EYS: variants seen among roughly 807,000 people sequenced by gnomAD.
EYS encodes EGF-like photoreceptor maintenance factor, also known as protein eyes shut homolog.
Under a neutral mutation model 282.1 loss-of-function variants are expected in EYS, and 250 were observed. The observed-to-expected ratio is 0.89, with a 90% CI of 0.80 to 0.98. The LOEUF (loss-of-function observed/expected upper bound fraction) is 0.98, where lower values mean the gene tolerates loss of function less well. Among genes scored for constraint, EYS ranks in the 50% least tolerant of loss-of-function variants. The probability of loss-of-function intolerance (pLI) is 0.00; values close to 1 mark genes in which losing one functional copy is unlikely to be tolerated. For missense variants in EYS, 4,016 were observed against 3,709.0 expected, an observed-to-expected ratio of 1.08 and a Z score of -2.15; for synonymous variants, 1,355 against 1,282.9, an observed-to-expected ratio of 1.06 and a Z score of -1.20.
intron 35 of EYS, among the ~76,000 whole-genome samples, chr6:63,891,324 G>A (rs1053200012): frequency 6.6e-6 from 1 of 152,098 alleles, no homozygotes. Context: ...GAACATCGAT[G>A]CAAAAATCCT....
intron 12 of EYS, among the ~76,000 whole-genome samples, chr6:65,197,954 A>T (rs1461385409): frequency 1.3e-5 from 2 of 152,076 alleles, no homozygotes; most frequent in African/African-American, 2.4e-5. Context: ...AATTCATCTT[A>T]GCTAACAGCA....
At chr6:64,297,484 T>G (rs2150370374) in intron 30 of EYS, among the ~76,000 whole-genome samples, 1 of 152,288 alleles carries the variant, frequency 6.6e-6, no homozygotes, top group African/African-American at 2.4e-5. Flanking sequence ...AAAACCAGAC[T>G]TTTGAAAACT....
chr6:63,776,390 T>C lies in EYS; in HGVS notation c.7898+1616A>G, dbSNP rs966209573. On this transcript the variant is annotated intron_variant, in intron 40 of 42. Coordinates refer to ENST00000503581, the MANE Select transcript of EYS (RefSeq NM_001142800.2). ...GAATCTTGACCCTCGAAATGGAAGATCTGATTTTGGGTCCTGCTGTACTAC... is the reference window on the plus strand; with the variant it reads ...GAATCTTGACCCTCGAAATGGAAGACCTGATTTTGGGTCCTGCTGTACTAC... 4.6e-5 allele frequency among the ~76,000 whole-genome samples: 7 copies of C among 152,266 alleles called. No homozygotes were observed. The East Asian group carries it at 1.3e-3, about 29-fold the overall frequency.
intron 22 of EYS, among the ~76,000 whole-genome samples, chr6:64,663,355 A>G (rs926488040): frequency 7.7e-6 from 1 of 129,286 alleles, no homozygotes; most frequent in East Asian, 2.2e-4. Flanking sequence ...ATTTGGTAAC[A>G]CCATTAATTG....
At chr6:64,703,533 A>G (rs927975680) in intron 22 of EYS, among the ~76,000 whole-genome samples, 1 of 146,796 alleles carries the variant, frequency 6.8e-6, no homozygotes, top group Non-Finnish European at 1.5e-5. Flanking sequence ...CCCGGGTTCA[A>G]GTGATTCTTC....
intron 1 of EYS, among the ~76,000 whole-genome samples, chr6:65,685,343 G>T (rs1266999688): frequency 6.6e-6 from 1 of 151,990 alleles, no homozygotes; most frequent in East Asian, 1.9e-4. Context: ...CAAGAATCAA[G>T]TCTGTGCTGG....
intron 13 of EYS, among the ~76,000 whole-genome samples, chr6:65,035,916 G>T: frequency 6.9e-6 from 1 of 144,048 alleles, no homozygotes. Context: ...ATATTATAGT[G>T]TTATATATTA....
intron 31 of EYS, among the ~76,000 whole-genome samples, chr6:64,105,776 T>C (rs1281548077): frequency 6.6e-6 from 1 of 152,156 alleles, no homozygotes; most frequent in Non-Finnish European, 1.5e-5. Flanking sequence ...CATTTCTCTT[T>C]AGCACTGAAT....
At chr6:63,812,182 C>T (rs1181130076) in intron 36 of EYS, among the ~76,000 whole-genome samples, 2 of 152,138 alleles carry the variant, frequency 1.3e-5, no homozygotes, top group African/African-American at 2.4e-5. Flanking sequence ...TTATTTTATA[C>T]TCGTTTCTTC....
At chr6:64,163,213 C>CA (rs1162456555) in intron 31 of EYS, among the ~76,000 whole-genome samples, 6 of 151,458 alleles carry the variant, frequency 4.0e-5, no homozygotes, top group South Asian at 2.1e-4. Context: ...AGTCTAAAAA[C>CA]AAAAAAAATT....
chr6:65,273,231 A>C (rs999295478), intron 12 of EYS, among the ~76,000 whole-genome samples: 5 of 152,186 alleles, frequency 3.3e-5, no homozygotes, highest in Non-Finnish European at 7.4e-5. Flanking sequence ...TTGACTATAC[A>C]GTTACCACAG....
intron 26 of EYS, among the ~76,000 whole-genome samples, chr6:64,584,150 C>T (rs1286171744): frequency 2.0e-5 from 3 of 151,786 alleles, no homozygotes; most frequent in African/African-American, 4.8e-5. Context: ...TTTGCAAAAA[C>T]ATATTTTGTT....
intron 12 of EYS, among the ~76,000 whole-genome samples, chr6:65,262,787 C>T (rs1767653614): frequency 6.6e-6 from 1 of 151,960 alleles, no homozygotes; most frequent in South Asian, 2.1e-4. Context: ...GTAGGTATCT[C>T]TATATTTAAA....
intron 29 of EYS, among the ~76,000 whole-genome samples, chr6:64,382,289 T>C (rs1177599915): frequency 6.6e-6 from 1 of 152,172 alleles, no homozygotes. Flanking sequence ...TGGCCTCACG[T>C]ATTTAAATAC....
chr6:65,459,687 C>T (rs1200935774), intron 5 of EYS, among the ~76,000 whole-genome samples: 1 of 151,352 alleles, frequency 6.6e-6, no homozygotes, highest in Non-Finnish European at 1.5e-5. Context: ...AAAAGAGTTT[C>T]ATAGAGAGTC....
At chr6:64,869,056 ATCTCAGTTGTGACT>A (rs1766512121) in intron 19 of EYS, among the ~76,000 whole-genome samples, 1 of 151,444 alleles carries the variant, frequency 6.6e-6, no homozygotes, top group African/African-American at 2.4e-5. Flanking sequence ...GTTTTCTTAG[ATCTCAGTTGTGACT>A]TCTCAGTTAT....
At chr6:64,181,621 C>G (rs1314128411) in intron 31 of EYS, among the ~76,000 whole-genome samples, 1 of 152,138 alleles carries the variant, frequency 6.6e-6, no homozygotes, top group Middle Eastern at 3.4e-3. Flanking sequence ...TTAGGAGACA[C>G]ATAACATTTC....
intron 18 of EYS, among the ~76,000 whole-genome samples, chr6:64,893,650 T>C (rs1767360698): frequency 6.6e-6 from 1 of 152,048 alleles, no homozygotes; most frequent in South Asian, 2.1e-4. Flanking sequence ...AAATGGCTTT[T>C]ATTATAATAA....
intron 12 of EYS, among the ~76,000 whole-genome samples, chr6:65,250,759 G>T (rs1057274578): frequency 2.0e-5 from 3 of 151,344 alleles, no homozygotes; most frequent in East Asian, 3.9e-4. Flanking sequence ...ATAAGAGATA[G>T]ATATTTTAAG....
Sources: gnomAD v4.1 joint callset for allele counts (sites outside exome capture counted in the v4.1 genomes callset) on GRCh38, gnomAD v4.1.1 for gene constraint, MANE v1.5 for transcripts, NCBI Gene and HGNC (gene_info 2026-07-23, HGNC 2026-07-21) for gene names.